Variants in SAMD4A observed in about 807,000 individuals in gnomAD.
The protein encoded by SAMD4A is protein Smaug homolog 1.
Under a neutral mutation model 81.3 loss-of-function variants are expected in SAMD4A, and 33 were observed. That is an observed-to-expected ratio of 0.41 (90% CI 0.31 to 0.54). The LOEUF is 0.54. SAMD4A is among the 20% of genes least tolerant of loss of function. The pLI, the probability that SAMD4A is intolerant of heterozygous loss-of-function variation, is 0.37. For synonymous variants in SAMD4A, 389 were observed against 382.1 expected (o/e 1.02, Z -0.21); for missense variants, 854 against 951.1 (o/e 0.90, Z 1.34).
chr14:54,719,968 A>T (rs2037219580), intron 3 of SAMD4A, among the ~76,000 whole-genome samples: 1 of 152,162 alleles, frequency 6.6e-6, no homozygotes, highest in Non-Finnish European at 1.5e-5. Context: ...ATTTCCTCTC[A>T]TTAATTTTCT....
At chr14:54,704,695 C>T (rs990528280) in intron 3 of SAMD4A, among the ~76,000 whole-genome samples, 2 of 152,184 alleles carry the variant, frequency 1.3e-5, no homozygotes, top group African/African-American at 2.4e-5. Context: ...AGGCAGGCAT[C>T]GGAGCCCTCT....
chr14:54,592,582 C>G (rs1365730767), intron 2 of SAMD4A, among the ~76,000 whole-genome samples: 2 of 152,190 alleles, frequency 1.3e-5, no homozygotes, highest in Non-Finnish European at 2.9e-5. Flanking sequence ...GCCTCAGCCT[C>G]CCAAGTAGCT....
chr14:54,728,413 G>A (rs953403702), intron 3 of SAMD4A, among the ~76,000 whole-genome samples: 1 of 152,184 alleles, frequency 6.6e-6, no homozygotes, highest in Admixed American at 6.5e-5. Context: ...GGAGCCTCCA[G>A]AGCTTGTCTG....
At chr14:54,644,497 C>T (rs1594767023) in intron 2 of SAMD4A, among the ~76,000 whole-genome samples, 1 of 152,224 alleles carries the variant, frequency 6.6e-6, no homozygotes, top group Non-Finnish European at 1.5e-5. Context: ...TGTTTTTAAT[C>T]GCCACAGTGC....
At position 54,732,580 on chromosome 14, in the gene SAMD4A, G is replaced by T. The variant is rs17127831; in HGVS notation, c.716-4444G>T. Among the ~76,000 whole-genome samples the T allele has an allele frequency of 3.1e-3, 466 of 152,160 alleles. 1 individual carries two copies. Among genetic ancestry groups the T allele is most frequent in the African/African-American group, 0.01 (427 of 41,500 alleles). On this transcript the variant is annotated intron_variant, in intron 3 of 12. Transcript: ENST00000554335. ...TTAAATAATTTTTAAAGCATAAACT[G>T]CATTCAGCGTGTAAATTTAAAGATA...
At chr14:54,663,058 T>C (rs146028907) in intron 2 of SAMD4A, among the ~76,000 whole-genome samples, 62 of 152,296 alleles carry the variant, frequency 4.1e-4, no homozygotes, top group African/African-American at 1.4e-3. Context: ...AAGTTGGACA[T>C]AACAGGATGA....
At chr14:54,613,590 T>C (rs77009005) in intron 2 of SAMD4A, among the ~76,000 whole-genome samples, 3,693 of 152,358 alleles carry the variant, frequency 0.024, 149 homozygotes, top group African/African-American at 0.085. Flanking sequence ...TCCTGACTTA[T>C]AGTGTCTGTC....
At chr14:54,686,552 C>T (rs1247639075) in intron 2 of SAMD4A, among the ~76,000 whole-genome samples, 1 of 115,554 alleles carries the variant, frequency 8.7e-6, no homozygotes, top group African/African-American at 3.2e-5. Context: ...GGCTCTTTGG[C>T]TAACCAGAAA....
At chr14:54,746,705 A>G (rs1450394656) in intron 4 of SAMD4A, among the ~76,000 whole-genome samples, 2 of 152,210 alleles carry the variant, frequency 1.3e-5, no homozygotes, top group African/African-American at 4.8e-5. Flanking sequence ...GTTCAGCTGT[A>G]GGGCACCCAG....
chr14:54,615,945 T>C (rs919009705), intron 2 of SAMD4A, among the ~76,000 whole-genome samples: 1 of 152,060 alleles, frequency 6.6e-6, no homozygotes, highest in Non-Finnish European at 1.5e-5. Flanking sequence ...AAAAATTCTC[T>C]TATCAGAAAT....
At chr14:54,586,025 T>C (rs953902245) in intron 2 of SAMD4A, among the ~76,000 whole-genome samples, 1 of 152,158 alleles carries the variant, frequency 6.6e-6, no homozygotes, top group African/African-American at 2.4e-5. Context: ...CTGTTTTTCA[T>C]AGTGATTGTA....
chr14:54,633,001 A>C (rs536293058), intron 2 of SAMD4A, among the ~76,000 whole-genome samples: 1 of 152,302 alleles, frequency 6.6e-6, no homozygotes, highest in South Asian at 2.1e-4. Flanking sequence ...ATCATTTCAC[A>C]CATGTACAAG....
At chr14:54,751,345 A>T (rs1156358921) in intron 5 of SAMD4A, 106 bp from the exon 6 acceptor site, 4 of 704,064 alleles carry the variant, frequency 5.7e-6, no homozygotes, top group Non-Finnish European at 9.8e-6. Context: ...GCCCGTGAAC[A>T]TATAGGAGCA....
Position 54,655,871 on chromosome 14 carries a change from G to T in SAMD4A, c.197-46191G>T, listed in dbSNP as rs184273451. Among the ~76,000 whole-genome samples the T allele has an allele frequency of 6.6e-5, 10 of 152,278 alleles. No individual in the cohort carries two copies. The East Asian group carries it at 1.9e-3, about 29-fold the overall frequency. ...TTATTTCACCACCATTTTATCATCT[G>T]TAAATGGGGATAATAATATTTGCCT... On this transcript the variant is annotated intron_variant, in intron 2 of 12. Transcript: ENST00000554335.
chr14:54,598,777 G>A lies in SAMD4A; in HGVS notation c.196+30665G>A, dbSNP rs549365153. On this transcript the variant is annotated intron_variant, in intron 2 of 12. Coordinates refer to ENST00000554335, the MANE Select transcript of SAMD4A (RefSeq NM_015589.6). ...TGGTATAAACACCACTATCGGGAAC[G>A]TGTGTTATTTACATTTCTGTTCCCT... Among the ~76,000 whole-genome samples, 14 of 152,250 alleles carry A rather than the reference G, an allele frequency of 9.2e-5. No individual in the cohort carries two copies. The East Asian group carries it at 1.5e-3, about 17-fold the overall frequency.
chr14:54,654,933 A>C (rs1261103085), intron 2 of SAMD4A, among the ~76,000 whole-genome samples: 3 of 152,214 alleles, frequency 2.0e-5, no homozygotes, highest in Non-Finnish European at 4.4e-5. Context: ...AATTGAGTTG[A>C]TTTTTATTCT....
intron 2 of SAMD4A, among the ~76,000 whole-genome samples, chr14:54,568,412 ATAAG>A (rs1184570952): frequency 6.6e-6 from 1 of 151,862 alleles, no homozygotes; most frequent in Non-Finnish European, 1.5e-5. Flanking sequence ...TTCCTGGGAA[ATAAG>A]TAAGTCAGGT....
At chr14:54,657,465 C>A (rs2035545587) in intron 2 of SAMD4A, among the ~76,000 whole-genome samples, 1 of 152,054 alleles carries the variant, frequency 6.6e-6, no homozygotes, top group South Asian at 2.1e-4. Flanking sequence ...TTTTGTTCAT[C>A]GCCAGATGAG....
At chr14:54,569,308 C>T (rs2033058726) in intron 2 of SAMD4A, among the ~76,000 whole-genome samples, 1 of 152,180 alleles carries the variant, frequency 6.6e-6, no homozygotes, top group South Asian at 2.1e-4. Flanking sequence ...CATTCCTCCT[C>T]CCTAGTATGG....
Sources: gnomAD v4.1 joint callset for allele counts (sites outside exome capture counted in the v4.1 genomes callset) on GRCh38, gnomAD v4.1.1 for gene constraint, MANE v1.5 for transcripts, NCBI Gene and HGNC (gene_info 2026-07-23, HGNC 2026-07-21) for gene names.